The following LIPC variants were observed in gnomAD, a reference collection of about 807,000 sequenced individuals.
The protein encoded by LIPC is hepatic triacylglycerol lipase.
In LIPC, 44 loss-of-function variants were observed where a neutral mutation model predicts 50.7. The observed-to-expected ratio is 0.87, with a 90% CI of 0.68 to 1.11. The LOEUF (loss-of-function observed/expected upper bound fraction) is 1.11. Among genes scored for constraint, LIPC ranks in the 50% most tolerant of loss-of-function variants. The pLI, the probability that LIPC is intolerant of heterozygous loss-of-function variation, is 0.00. For missense variants in LIPC, 697 were observed against 648.2 expected (o/e 1.08, Z -0.82); for synonymous variants, 271 against 256.4 (o/e 1.06, Z -0.54).
At chr15:58,517,786 A>T (rs1271036134) in intron 1 of LIPC, among the ~76,000 whole-genome samples, 1 of 152,238 alleles carries the variant, frequency 6.6e-6, no homozygotes, top group Non-Finnish European at 1.5e-5. Context: ...AAGCATTTCA[A>T]AGAGATTCCA....
intron 1 of LIPC, among the ~76,000 whole-genome samples, chr15:58,433,959 G>A (rs1893205248): frequency 2.6e-5 from 4 of 152,300 alleles, no homozygotes. Context: ...GAAACCGCAG[G>A]GAAGCCGGTG....
intron 1 of LIPC, among the ~76,000 whole-genome samples, chr15:58,483,804 C>T (rs1891272840): frequency 1.3e-5 from 2 of 152,034 alleles, no homozygotes; most frequent in Non-Finnish European, 2.9e-5. Context: ...AAAAGTGCTT[C>T]TGAAGCAAGA....
intron 1 of LIPC, among the ~76,000 whole-genome samples, chr15:58,463,714 G>A (rs924883677): frequency 6.6e-6 from 1 of 152,048 alleles, no homozygotes; most frequent in Non-Finnish European, 1.5e-5. Context: ...GTTTCTCGGC[G>A]ACCTAGGCAT....
intron 1 of LIPC, among the ~76,000 whole-genome samples, chr15:58,484,669 T>C (rs1224244773): frequency 2.0e-5 from 3 of 152,226 alleles, no homozygotes; most frequent in African/African-American, 7.2e-5. Flanking sequence ...TCATGGGGCA[T>C]GGGCCCTGGA....
intron 8 of LIPC, among the ~76,000 whole-genome samples, chr15:58,564,406 C>A (rs1045642957): frequency 3.3e-5 from 5 of 151,902 alleles, no homozygotes; most frequent in Admixed American, 2.6e-4. Context: ...TCCAGGGATA[C>A]GAAGGAGCTG....
intron 8 of LIPC, chr15:58,566,570 A>G (rs2140962402): frequency 1.8e-6 from 1 of 554,836 alleles, no homozygotes; most frequent in East Asian, 1.5e-4. Flanking sequence ...GCTAAGTGCA[A>G]GTGGGAAAAG....
chr15:58,433,799 T>A (rs1457314007), intron 1 of LIPC, among the ~76,000 whole-genome samples: 2 of 152,212 alleles, frequency 1.3e-5, no homozygotes, highest in African/African-American at 4.8e-5. Flanking sequence ...CTGAGAGAAG[T>A]GGCCACTATT....
chr15:58,498,582 A>C (rs753573487), intron 1 of LIPC: 1 of 152,226 alleles, frequency 6.6e-6, no homozygotes, highest in Non-Finnish European at 1.5e-5. Context: ...GGGGGTAAAA[A>C]TGTCTAGAAA....
chr15:58,546,657 G>A (rs1442886478), intron 5 of LIPC, among the ~76,000 whole-genome samples: 2 of 152,084 alleles, frequency 1.3e-5, no homozygotes, highest in African/African-American at 2.4e-5. Flanking sequence ...CACATTCCAC[G>A]GGCATTCCAA....
chr15:58,560,753 C>G, intron 6 of LIPC, 111 bp from the exon 7 acceptor site: 1 of 662,564 alleles, frequency 1.5e-6, no homozygotes, highest in Non-Finnish European at 2.7e-6. Flanking sequence ...ATATTAATAT[C>G]TATCCAAACT....
intron 1 of LIPC, among the ~76,000 whole-genome samples, chr15:58,478,454 G>C (rs534316258): frequency 6.6e-6 from 1 of 152,098 alleles, no homozygotes; most frequent in Non-Finnish European, 1.5e-5. Context: ...GGCCAGGCTG[G>C]TCTCGAGCTC....
rs184950475 is a variant in LIPC, at chr15:58,526,009, C to T, written c.89-12324C>T. Among the ~76,000 whole-genome samples the T allele has an allele frequency of 2.0e-5, 3 of 152,268 alleles. No individual in the cohort carries two copies. The East Asian group carries it at 5.8e-4, about 29-fold the overall frequency. On this transcript the variant is annotated intron_variant, in intron 1 of 8. Transcript: ENST00000299022. ...TGAGGAAACCATCTGTAAACGTGCC[C>T]AGAATTGTGGCTCATTAGCGGCAGA...
chr15:58,459,112 A>T (rs1189856543), intron 1 of LIPC, among the ~76,000 whole-genome samples: 1 of 152,148 alleles, frequency 6.6e-6, no homozygotes. Context: ...TAGGTGAGGT[A>T]TGTATTTTGT....
chr15:58,529,308 T>C (rs899553677), intron 1 of LIPC, among the ~76,000 whole-genome samples: 4 of 152,164 alleles, frequency 2.6e-5, no homozygotes, highest in Non-Finnish European at 4.4e-5. Context: ...GGCCTAACCG[T>C]GGTCAGATGC....
chr15:58,565,049 C>A, intron 8 of LIPC: 1 of 707,606 alleles, frequency 1.4e-6, no homozygotes, highest in Non-Finnish European at 2.4e-6. Flanking sequence ...CTGGGTTTCA[C>A]TGCCAGATGC....
chr15:58,500,428 T>C (rs1406324989), intron 1 of LIPC, among the ~76,000 whole-genome samples: 4 of 152,180 alleles, frequency 2.6e-5, no homozygotes, highest in Admixed American at 6.5e-5. Flanking sequence ...CATGTTGCTC[T>C]TGTGTCCACA....
intron 6 of LIPC, among the ~76,000 whole-genome samples, chr15:58,555,879 C>A (rs989721390): frequency 6.6e-6 from 1 of 152,186 alleles, no homozygotes; most frequent in African/African-American, 2.4e-5. Context: ...AGGGAAAATG[C>A]CCCTGCCTCT....
At chr15:58,500,036 A>C (rs1891924747) in intron 1 of LIPC, among the ~76,000 whole-genome samples, 1 of 152,158 alleles carries the variant, frequency 6.6e-6, no homozygotes, top group Non-Finnish European at 1.5e-5. Flanking sequence ...GAGACAGGAC[A>C]AAGTAAATTG....
chr15:58,528,676 C>T (rs1892861964), intron 1 of LIPC, among the ~76,000 whole-genome samples: 1 of 152,186 alleles, frequency 6.6e-6, no homozygotes, highest in Non-Finnish European at 1.5e-5. Context: ...AGCTAGAGCC[C>T]AAGCTCCTAA....
Sources: gnomAD v4.1 joint callset for allele counts (sites outside exome capture counted in the v4.1 genomes callset) on GRCh38, gnomAD v4.1.1 for gene constraint, MANE v1.5 for transcripts, NCBI Gene and HGNC (gene_info 2026-07-23, HGNC 2026-07-21) for gene names.